DHX33: variants seen among roughly 807,000 people sequenced by gnomAD.
DHX33 encodes the protein ATP-dependent RNA helicase DHX33.
A neutral mutation model predicts 72.5 loss-of-function variants in DHX33; 42 were observed. The ratio of observed to expected loss-of-function variants is 0.58; its 90% CI spans 0.45 to 0.75. The LOEUF (loss-of-function observed/expected upper bound fraction) is 0.75, where lower values mean the gene tolerates loss of function less well. Ranked by LOEUF, DHX33 falls within the 30% of genes least tolerant of loss-of-function variation. DHX33 has a pLI of 0.00. For synonymous variants in DHX33, 358 were observed against 366.1 expected, an observed-to-expected ratio of 0.98 and a Z score of 0.25; for missense variants, 842 against 917.5, an observed-to-expected ratio of 0.92 and a Z score of 1.06.
chr17:5,460,303 T>C (rs9912028), intron 4 of DHX33, among the ~76,000 whole-genome samples: 64,577 of 151,364 alleles, frequency 0.43, 16,210 homozygotes, highest in African/African-American at 0.71. Flanking sequence ...CGTGAGCCAC[T>C]GTGCCCAGCC....
intron 11 of DHX33, among the ~76,000 whole-genome samples, chr17:5,445,380 C>T (rs1916618618): frequency 6.6e-6 from 1 of 152,204 alleles, no homozygotes; most frequent in Non-Finnish European, 1.5e-5. Flanking sequence ...CGCCCGGCCT[C>T]ACCACTCTTC....
At position 5,444,067 on chromosome 17, in the gene DHX33, T is replaced by C. The variant is rs1376988618; in HGVS notation, c.*138A>G. On this transcript the variant is annotated 3_prime_UTR_variant, in exon 12 of 12. Coordinates refer to ENST00000225296, the MANE Select transcript of DHX33 (RefSeq NM_020162.4). The surrounding 1 kb of genome is among the most constrained non-coding windows in gnomAD (Gnocchi z 4.9). Reference sequence around the variant, plus strand: ...TTCAGTCCCAGGAGTTGAGCAAAGATGCTTTCACGCTCCTGGAAGTCAGGC... The same window carrying C: ...TTCAGTCCCAGGAGTTGAGCAAAGACGCTTTCACGCTCCTGGAAGTCAGGC... 1 of 949,160 alleles carries C rather than the reference T, an allele frequency of 1.1e-6. No individual in the cohort carries two copies. Among genetic ancestry groups the C allele is most frequent in the Non-Finnish European group, 1.5e-6 (1 of 648,170 alleles). 58.8% of individuals were successfully genotyped at this position (949,160 alleles called of 1,614,324 possible).
In DHX33 at chr17:5,444,805, AC is replaced by A. The variant is rs1212618479; in HGVS notation, c.1816-293del. 6.6e-6 allele frequency among the ~76,000 whole-genome samples: 1 copy of A among 151,676 alleles called. No individual in the cohort carries two copies. Among genetic ancestry groups the A allele is most frequent in the Non-Finnish European group, 1.5e-5 (1 of 67,904 alleles). On this transcript the variant is annotated intron_variant, in intron 11 of 11. Coordinates refer to ENST00000225296, the MANE Select transcript of DHX33 (RefSeq NM_020162.4). The surrounding 1 kb of genome is among the most constrained non-coding windows in gnomAD (Gnocchi z 4.9). ...AGACCACAGGCAGGTTGGGTGACCC[AC>A]CCCTCACCTAAATTCCATCAGGACG...
rs762204724 is a variant in DHX33 at position 5,455,239 on chromosome 17, G to A, written c.1068C>T (p.Ile356=). Residue 356 remains isoleucine, a synonymous_variant, in exon 6 of 12, where the codon ATC becomes ATT. Coordinates refer to ENST00000225296, the MANE Select transcript of DHX33 (RefSeq NM_020162.4). The part of the protein sequence containing the change: ...GYRKVIISTN[I]AETSITITGI... ...CTGTAATGGTTATGGAGGTTTCAGCGATGTTGGTTGAAATGATCACTTTGC... is the reference window on the plus strand; with the variant it reads ...CTGTAATGGTTATGGAGGTTTCAGCAATGTTGGTTGAAATGATCACTTTGC... 18 of 1,614,042 alleles carry A rather than the reference G, an allele frequency of 1.1e-5. 1 individual carries two copies. Among genetic ancestry groups the A allele is most frequent in the South Asian group, 8.8e-5 (8 of 91,084 alleles).
intron 9 of DHX33, 98 bp downstream of exon 9, chr17:5,450,709 A>C: frequency 6.5e-7 from 1 of 1,527,974 alleles, no homozygotes; most frequent in Non-Finnish European, 8.9e-7. Context: ...TGTAAGAGAA[A>C]AAGTGAGATT....
At position 5,463,677 on chromosome 17, in the gene DHX33, G is replaced by T. The variant is rs1397041128; in HGVS notation, c.302C>A (p.Ser101Tyr). The T allele has an allele frequency of 6.2e-7, 1 of 1,606,734 alleles. No individual in the cohort carries two copies. The highest frequency in any genetic ancestry group is 1.4e-5 in the African/African-American group (1 of 73,886). Residue 101 changes from serine to tyrosine, a missense_variant, in exon 2 of 12, where the codon TCT becomes TAT. Physicochemically the swap from Ser to Tyr is moderately radical, Grantham distance 144 (BLOSUM62 -2). Coordinates refer to ENST00000225296, the MANE Select transcript of DHX33 (RefSeq NM_020162.4). ...DNAVLIGETGSGKTTQIPQYL... is the reference protein window; with the variant it reads ...DNAVLIGETGYGKTTQIPQYL... ...CTGAGGGATCTGAGTTGTCTTCCCAGAGCCAGTTTCCCCTAGGAGAGAGGG... is the reference window on the plus strand; with the variant it reads ...CTGAGGGATCTGAGTTGTCTTCCCATAGCCAGTTTCCCCTAGGAGAGAGGG...
intron 10 of DHX33, among the ~76,000 whole-genome samples, chr17:5,449,500 G>A (rs915998209): frequency 3.3e-5 from 5 of 152,136 alleles, no homozygotes; most frequent in East Asian, 1.9e-4. Context: ...GCAGTGGCAC[G>A]ATCTCGGCTC....
At position 5,468,666 on chromosome 17, in the gene DHX33, T is replaced by C. The variant is rs2151694796; in HGVS notation, c.194A>G (p.Glu65Gly). 6.2e-7 allele frequency: 1 copy of C among 1,612,636 alleles called. No individual in the cohort carries two copies. Among genetic ancestry groups the C allele is most frequent in the African/African-American group, 1.3e-5 (1 of 75,052 alleles). Residue 65 changes from glutamate (E) to glycine (G), a missense_variant, in exon 1 of 12, where the codon GAA (glutamate) becomes GGA (glycine). Glu to Gly is a moderately conservative substitution (Grantham distance 98). Coordinates refer to ENST00000225296, the MANE Select transcript of DHX33 (RefSeq NM_020162.4). ...ACTCCGGCGCTGCAGCTCCACAGCT[T>C]CAGGGTAGGGACTGGCCGAGGGCTG... ...LAQPSASPYP[E>G]AVELQRRSLP...
Position 5,444,047 on chromosome 17 carries a change from T to A in DHX33, c.*158A>T. 1 of 777,362 alleles carries A rather than the reference T, an allele frequency of 1.3e-6. No homozygotes were observed. Among genetic ancestry groups the A allele is most frequent in the South Asian group, 1.9e-5 (1 of 53,082 alleles). 48.2% of individuals were successfully genotyped at this position (777,362 alleles called of 1,614,324 possible). On this transcript the variant is annotated 3_prime_UTR_variant, in exon 12 of 12. Transcript: ENST00000225296. The surrounding 1 kb of genome is among the most constrained non-coding windows in gnomAD (Gnocchi z 4.9). ...ATATGTCCATGTCTATATGGTTCAGTCCCAGGAGTTGAGCAAAGATGCTTT... is the reference window on the plus strand; with the variant it reads ...ATATGTCCATGTCTATATGGTTCAGACCCAGGAGTTGAGCAAAGATGCTTT...
At chr17:5,466,251 T>A (rs1262092617) in intron 1 of DHX33, among the ~76,000 whole-genome samples, 1 of 152,164 alleles carries the variant, frequency 6.6e-6, no homozygotes, top group Non-Finnish European at 1.5e-5. Flanking sequence ...ATAAAATAGG[T>A]TTCATGTTAG....
Position 5,450,385 on chromosome 17 carries a change from ATT to A in DHX33, c.1544_1545del (p.Lys515IlefsTer61). 6.2e-7 allele frequency: 1 copy of A among 1,614,058 alleles called. No individual in the cohort carries two copies. Among genetic ancestry groups the A allele is most frequent in the Non-Finnish European group, 8.5e-7 (1 of 1,179,942 alleles). On this transcript the variant is annotated frameshift_variant, in exon 10 of 12. Coordinates refer to ENST00000225296, the MANE Select transcript of DHX33 (RefSeq NM_020162.4). LOFTEE classifies it high-confidence loss of function. Reference protein sequence around the residue: ...KFAKTILMSPKFHCTEEILTI... With the variant: ...KFAKTILMSPXFHCTEEILTI... ...GTCAGGATCTCCTCTGTACAGTGGA[ATT>A]TGGGGGACATGAGGATGGTCTGCAA... is the stretch of plus-strand genomic sequence containing the variant.
rs565652374 is a variant in DHX33 at position 5,468,982 on chromosome 17, C to T, written c.-123G>A. Reference sequence around the variant, plus strand: ...CGTGCTGGCGGCTCCCGGCGACCACCGATGACCTCACGGCCGCCCCAGTCT... The same window carrying T: ...CGTGCTGGCGGCTCCCGGCGACCACTGATGACCTCACGGCCGCCCCAGTCT... On this transcript the variant is annotated 5_prime_UTR_variant, in exon 1 of 12. Transcript: ENST00000225296. 1.7e-6 allele frequency: 1 copy of T among 583,404 alleles called. No individual in the cohort carries two copies. The highest frequency in any genetic ancestry group is 3.0e-6 in the Non-Finnish European group (1 of 328,754). The allele number at this position is 583,404 out of a possible 1,614,324, so 36.1% of individuals were successfully genotyped here. A position where few individuals can be genotyped will look rare whatever the true frequency, so the allele number is the denominator to read the frequency against.
At position 5,461,051 on chromosome 17, in the gene DHX33, G is replaced by A; in HGVS notation, c.737C>T (p.Ala246Val). 2 of 1,612,878 alleles carry A rather than the reference G, an allele frequency of 1.2e-6. No individual in the cohort carries two copies. The highest frequency in any genetic ancestry group is 1.7e-6 in the Non-Finnish European group (2 of 1,179,344). ...CCGACCCTCTAGGTAGAGGACGGGG[G>A]CGCCATTGAAATACTGAGAGAACAG... ...VDLFSQYFNGAPVLYLEGRQH... is the reference protein window; with the variant it reads ...VDLFSQYFNGVPVLYLEGRQH... The change falls in exon 4 of 12, where the codon GCC becomes GTC. Residue 246 changes from alanine to valine, a missense_variant. Ala to Val is a moderately conservative substitution (Grantham distance 64). Transcript: ENST00000225296.
Position 5,444,294 on chromosome 17 carries a change from T to G in DHX33, c.2035A>C (p.Met679Leu), listed in dbSNP as rs751430475. Residue 679 changes from methionine (M) to leucine (L), a missense_variant, in exon 12 of 12, where the codon ATG becomes CTG. Transcript: ENST00000225296. The surrounding 1 kb of genome is among the most constrained non-coding windows in gnomAD (Gnocchi z 4.9). ...GCATCTATGACGCAGAGGTCCCGCA[T>G]GTAGCACTTGTTGGTGTAGAGCAGC... Reference protein sequence around the residue: ...TELLYTNKCYMRDLCVIDAQW... With the variant: ...TELLYTNKCYLRDLCVIDAQW... 4.3e-6 allele frequency: 7 copies of G among 1,614,058 alleles called. No homozygotes were observed. Among genetic ancestry groups the G allele is most frequent in the Non-Finnish European group, 5.9e-6 (7 of 1,180,034 alleles).
chr17:5,451,517 G>A (rs1263944526), intron 8 of DHX33, among the ~76,000 whole-genome samples: 1 of 152,126 alleles, frequency 6.6e-6, no homozygotes, highest in Non-Finnish European at 1.5e-5. Context: ...AATTTCACCT[G>A]CAGATACACA....
Position 5,444,629 on chromosome 17 carries a change from C to G in DHX33, c.1816-116G>C. On this transcript the variant is annotated intron_variant, in intron 11 of 11. Coordinates refer to ENST00000225296, the MANE Select transcript of DHX33 (RefSeq NM_020162.4). This position sits in a 1 kb window ranked among gnomAD's most constrained non-coding sequence, Gnocchi z 4.9. ...GGGCAAAAGCAGCCCACATTGTGAG[C>G]CTAACGATGTGGATTCTGACATTCG... 2.8e-6 allele frequency: 3 copies of G among 1,073,170 alleles called. No homozygotes were observed. The highest frequency in any genetic ancestry group is 1.6e-5 in the African/African-American group (1 of 63,352). The allele number at this position is 1,073,170 out of a possible 1,614,324, so 66.5% of individuals were successfully genotyped here.
chr17:5,467,456 T>A (rs1262207244), intron 1 of DHX33, among the ~76,000 whole-genome samples: 1 of 152,098 alleles, frequency 6.6e-6, no homozygotes, highest in Admixed American at 6.6e-5. Context: ...GACAAGCCCC[T>A]CATTCAAAAG....
chr17:5,462,282 G>T (rs1176786134), intron 3 of DHX33, 37 bp downstream of exon 3: 12 of 1,587,554 alleles, frequency 7.6e-6, no homozygotes, highest in Non-Finnish European at 1.0e-5. Context: ...TTCAGGGGAA[G>T]TTTCCCTCAT....
At chr17:5,445,974 G>C (rs1916643650) in intron 11 of DHX33, among the ~76,000 whole-genome samples, 1 of 152,058 alleles carries the variant, frequency 6.6e-6, no homozygotes, top group South Asian at 2.1e-4. Context: ...TATGCCTGAA[G>C]AAGATACTTT....
Sources: gnomAD v4.1 joint callset for allele counts (sites outside exome capture counted in the v4.1 genomes callset) on GRCh38, gnomAD v4.1.1 for gene constraint, Gnocchi (gnomAD v3.1) non-coding constraint, MANE v1.5 for transcripts, NCBI Gene and HGNC (gene_info 2026-07-23, HGNC 2026-07-21) for gene names.